Variants in ESPNL observed in about 807,000 individuals in gnomAD.
The protein encoded by ESPNL is espin-like protein.
Under a neutral mutation model 46.8 loss-of-function variants are expected in ESPNL, and 49 were observed. The ratio of observed to expected loss-of-function variants is 1.05; its 90% CI spans 0.83 to 1.33. The LOEUF is 1.33. Among genes scored for constraint, ESPNL ranks in the 40% most tolerant of loss-of-function variants. The pLI is 0.00. For missense variants in ESPNL, 1,540 were observed against 1,436.6 expected (o/e 1.07, Z -1.16); for synonymous variants, 664 against 662.1 (o/e 1.00, Z -0.04).
intron 8 of ESPNL, chr2:238,129,316 G>A (rs188695449): frequency 1.9e-5 from 19 of 992,074 alleles, no homozygotes; most frequent in South Asian, 8.9e-5. Context: ...GGTGCTTAGG[G>A]GGCCCCCTCT....
At chr2:238,127,791 C>T in intron 7 of ESPNL, 57 bp downstream of exon 7, 2 of 1,364,892 alleles carry the variant, frequency 1.5e-6, no homozygotes, top group South Asian at 2.5e-5. Context: ...GCCTCCATTC[C>T]CATCCTCTTA....
chr2:238,130,031 T>C (rs1692250208), intron 8 of ESPNL, 97 bp from the exon 9 acceptor site: 1 of 1,360,276 alleles, frequency 7.4e-7, no homozygotes, highest in South Asian at 1.4e-5. Flanking sequence ...GACCAGAGGC[T>C]CTGCAGAGAT....
rs370488897 is a variant in ESPNL, at chr2:238,131,552, C to T, written c.2838C>T (p.Thr946=). ...AGCCTGGCCGCAAGTCAGGTCTGAC[C>T]CTGCTCGGGCCCCTGCCTCACGCCG... The part of the protein sequence containing the change: ...DTEPGRKSGL[T]LLGPLPHAAV... Residue 946 remains threonine (T), a synonymous_variant, in exon 9 of 9, where the codon ACC becomes ACT. Transcript: ENST00000343063. 21 of 1,610,970 alleles carry T rather than the reference C, an allele frequency of 1.3e-5. No homozygotes were observed. The highest frequency in any genetic ancestry group is 1.7e-5 in the Non-Finnish European group (20 of 1,179,064).
intron 1 of ESPNL, 50 bp from the exon 2 acceptor site, chr2:238,101,891 C>G (rs1691486580): frequency 1.4e-6 from 2 of 1,453,100 alleles, no homozygotes; most frequent in Admixed American, 1.9e-5. Context: ...GCAGCTGGCT[C>G]TGACCTCACG....
At chr2:238,123,170 G>C (rs1450164924) in intron 5 of ESPNL, among the ~76,000 whole-genome samples, 1 of 152,222 alleles carries the variant, frequency 6.6e-6, no homozygotes, top group Non-Finnish European at 1.5e-5. Flanking sequence ...CAGCAAGTCA[G>C]TCCTAGTCCC....
Position 238,114,595 on chromosome 2 carries a change from C to T in ESPNL, c.856-2308C>T, listed in dbSNP as rs1240944501. Among the ~76,000 whole-genome samples, 1 of 152,234 alleles carries T rather than the reference C, an allele frequency of 6.6e-6. No homozygotes were observed. ...CCTGCTTCCTCAGCCACACCAGCCA[C>T]TGGCTCAGCCCTTCTGGGCCTCCAG... On this transcript the variant is annotated intron_variant, in intron 4 of 8. Coordinates refer to ENST00000343063, the MANE Select transcript of ESPNL (RefSeq NM_194312.4). This position sits in a 1 kb window ranked among gnomAD's most constrained non-coding sequence, Gnocchi z 5.0.
intron 6 of ESPNL, among the ~76,000 whole-genome samples, chr2:238,126,957 G>A (rs1559267099): frequency 1.2e-5 from 1 of 80,044 alleles, no homozygotes; most frequent in East Asian, 4.5e-4. Flanking sequence ...CTGTTATTGT[G>A]TGTCTGTGTG....
At chr2:238,126,513 TTG>T (rs1464266456) in intron 6 of ESPNL, among the ~76,000 whole-genome samples, 6 of 151,386 alleles carry the variant, frequency 4.0e-5, no homozygotes, top group African/African-American at 1.2e-4. Context: ...CTGTGTGTGA[TTG>T]TGTCTATGCA....
rs767019569 is a variant in ESPNL at position 238,104,761 on chromosome 2, C to G, written c.591C>G (p.Asp197Glu). 1 of 1,603,132 alleles carries G rather than the reference C, an allele frequency of 6.2e-7. No homozygotes were observed. Among genetic ancestry groups the G allele is most frequent in the South Asian group, 1.1e-5 (1 of 89,748 alleles). Residue 197 changes from aspartate to glutamate, a missense_variant, in exon 3 of 9, where the codon GAC becomes GAG. Transcript: ENST00000343063. ...TCCTGGTGAAGGACTGTGGCGCTGACGTGCACCTTCGTGCTCTCGATGGCA... is the reference window on the plus strand; with the variant it reads ...TCCTGGTGAAGGACTGTGGCGCTGAGGTGCACCTTCGTGCTCTCGATGGCA... ...AQFLVKDCGA[D>E]VHLRALDGMS...
chr2:238,124,400 C>T lies in ESPNL; in HGVS notation c.988-870C>T, dbSNP rs151032304. On this transcript the variant is annotated intron_variant, in intron 5 of 8. Transcript: ENST00000343063. ...TGGTGGGCACATTGGGGACCCCATC[C>T]TAGTCCACTGCCCTTCCCTCTCCTC... Among the ~76,000 whole-genome samples, 4 of 152,238 alleles carry T rather than the reference C, an allele frequency of 2.6e-5. No individual in the cohort carries two copies. The South Asian group carries it at 8.3e-4, about 31-fold the overall frequency.
chr2:238,103,586 C>A (rs577806480), intron 2 of ESPNL, among the ~76,000 whole-genome samples: 1 of 152,356 alleles, frequency 6.6e-6, no homozygotes, highest in East Asian at 1.9e-4. Flanking sequence ...GACCATGCCC[C>A]CTCCAGTTGC....
chr2:238,125,205 CCT>C, intron 5 of ESPNL, 63 bp from the exon 6 acceptor site: 4 of 710,034 alleles, frequency 5.6e-6, no homozygotes, highest in Non-Finnish European at 9.0e-6. Flanking sequence ...TGCCCCTGCC[CCT>C]GTCTAGGTGA....
At chr2:238,129,143 A>C (rs1299888978) in intron 8 of ESPNL, 1 of 1,398,852 alleles carries the variant, frequency 7.1e-7, no homozygotes, top group Non-Finnish European at 9.3e-7. Context: ...CACTTGGCGG[A>C]TTTGTGGCAC....
intron 5 of ESPNL, 36 bp from the exon 6 acceptor site, chr2:238,125,233 CG>C: frequency 9.6e-7 from 1 of 1,043,060 alleles, no homozygotes; most frequent in Non-Finnish European, 1.4e-6. Context: ...GAAGAGCCCA[CG>C]GGGGTCCCCC....
At chr2:238,105,191 T>C (rs7568312) in intron 3 of ESPNL, among the ~76,000 whole-genome samples, 118,182 of 152,018 alleles carry the variant, frequency 0.78, 46,405 homozygotes, top group African/African-American at 0.9. Context: ...GTGCCCAGTT[T>C]GGGCCACTCG....
At chr2:238,130,033 T>C (rs1692250287) in intron 8 of ESPNL, 95 bp from the exon 9 acceptor site, 1 of 1,402,922 alleles carries the variant, frequency 7.1e-7, no homozygotes, top group Non-Finnish European at 9.7e-7. Context: ...CCAGAGGCTC[T>C]GCAGAGATAC....
rs1393388562 is a variant in ESPNL, at chr2:238,125,304, T to C, written c.1022T>C (p.Phe341Ser). The C allele has an allele frequency of 6.4e-7, 1 of 1,557,186 alleles. No individual in the cohort carries two copies. Among genetic ancestry groups the C allele is most frequent in the African/African-American group, 1.4e-5 (1 of 72,996 alleles). ...CTGATGACGCCCCCACCACCACCGT[T>C]CCCCCCACCTCCACTGTTGGCCACG... ...PLLMTPPPPP[F>S]PPPPLLATRR... is the part of the protein sequence containing the mutation. The change falls in exon 6 of 9, where the codon TTC becomes TCC. Residue 341 changes from phenylalanine to serine, a missense_variant. Transcript: ENST00000343063.
intron 2 of ESPNL, among the ~76,000 whole-genome samples, chr2:238,103,260 C>T (rs116339134): frequency 0.014 from 2,127 of 152,162 alleles, 42 homozygotes; most frequent in African/African-American, 0.049. Flanking sequence ...TCCATCTCTA[C>T]AAAAAAATTT....
intron 5 of ESPNL, among the ~76,000 whole-genome samples, chr2:238,124,011 T>C (rs876571): frequency 0.17 from 26,256 of 152,132 alleles, 2,372 homozygotes; most frequent in East Asian, 0.24. Flanking sequence ...CAGGGCCAAC[T>C]TCACTGCAGT....
Sources: allele counts gnomAD v4.1 joint callset (sites outside exome capture counted in the v4.1 genomes callset), GRCh38; gene constraint gnomAD v4.1.1; non-coding constraint Gnocchi (gnomAD v3.1); transcripts MANE v1.5; gene names NCBI Gene and HGNC (gene_info 2026-07-23, HGNC 2026-07-21).